IGLL5: variants seen among roughly 807,000 people sequenced by gnomAD.
IGLL5 encodes immunoglobulin lambda-like polypeptide 5.
IGLL5 carries 30 observed loss-of-function variants against 20.9 expected under a neutral mutation model. That is an observed-to-expected ratio of 1.44 (90% CI 1.07 to 1.95). The LOEUF (loss-of-function observed/expected upper bound fraction) is 1.95, where lower values mean the gene tolerates loss of function less well. IGLL5 is among the 30% of genes most tolerant of loss of function. The pLI is 0.00. For missense variants in IGLL5, 475 were observed against 270.7 expected (o/e 1.75, Z -5.30); for synonymous variants, 203 against 117.3 (o/e 1.73, Z -4.72).
intron 2 of IGLL5, among the ~76,000 whole-genome samples, chr22:22,894,204 T>A (rs2067998738): frequency 1.3e-5 from 2 of 151,264 alleles, no homozygotes; most frequent in Admixed American, 1.3e-4. Flanking sequence ...TGGGAGCTGC[T>A]GAGTCTCATA....
Position 22,888,513 on chromosome 22 carries a change from G to GTCAGTGCCTCAA in IGLL5, c.206+258_206+269dup, listed in dbSNP as rs2067608840. On this transcript the variant is annotated intron_variant, in intron 1 of 2. Transcript: ENST00000526893. ...TGGCGCCACTTAAATTTTCACCAGGGTCAGTGCCTCAATCACCTAGTCCTA... is the reference window on the plus strand; with the variant it reads ...TGGCGCCACTTAAATTTTCACCAGGGTCAGTGCCTCAATCAGTGCCTCAATCACCTAGTCCTA... Among the ~76,000 whole-genome samples the GTCAGTGCCTCAA allele has an allele frequency of 1.3e-5, 2 of 151,330 alleles. 1 individual carries two copies. Among genetic ancestry groups the GTCAGTGCCTCAA allele is most frequent in the African/African-American group, 4.8e-5 (2 of 41,274 alleles).
chr22:22,892,786 G>A, intron 1 of IGLL5, among the ~76,000 whole-genome samples: 1 of 151,074 alleles, frequency 6.6e-6, no homozygotes, highest in East Asian at 2.0e-4. Flanking sequence ...CAGATGCAGA[G>A]AAAATTAGGA....
At position 22,888,158 on chromosome 22, in the gene IGLL5, C is replaced by A; in HGVS notation, c.105C>A (p.Ala35=). The A allele has an allele frequency of 6.5e-7, 1 of 1,549,328 alleles. No individual in the cohort carries two copies. The highest frequency in any genetic ancestry group is 8.7e-7 in the Non-Finnish European group (1 of 1,146,704). ...TGCTGCTGGGTCTGGCCATGGTCGCCCATGGCCTGCTGCGCCCAATGGTTG... is the reference window on the plus strand; with the variant it reads ...TGCTGCTGGGTCTGGCCATGGTCGCACATGGCCTGCTGCGCCCAATGGTTG... ...PLLLLGLAMV[A]HGLLRPMVAP... The change falls in exon 1 of 3, where the codon GCC becomes GCA. Residue 35 remains alanine (A), a synonymous_variant. Transcript: ENST00000526893.
intron 1 of IGLL5, among the ~76,000 whole-genome samples, chr22:22,889,501 C>G (rs116122178): frequency 2.6e-5 from 4 of 151,150 alleles, no homozygotes; most frequent in East Asian, 2.0e-4. Context: ...GGGTGGTTAG[C>G]TCAGCATTAT....
Position 22,888,164 on chromosome 22 carries a change from C to G in IGLL5, c.111C>G (p.Gly37=), listed in dbSNP as rs778053128. 4 of 1,549,204 alleles carry G rather than the reference C, an allele frequency of 2.6e-6. 1 individual carries two copies. The highest frequency in any genetic ancestry group is 1.2e-5 in the South Asian group (1 of 83,978). Residue 37 remains glycine (G), a synonymous_variant, in exon 1 of 3, where the codon GGC becomes GGG. Transcript: ENST00000526893. ...LLLGLAMVAH[G]LLRPMVAPQS... is the part of the protein sequence containing the mutation. Reference sequence around the variant, plus strand: ...TGGGTCTGGCCATGGTCGCCCATGGCCTGCTGCGCCCAATGGTTGCACCGC... The same window carrying G: ...TGGGTCTGGCCATGGTCGCCCATGGGCTGCTGCGCCCAATGGTTGCACCGC...
intron 1 of IGLL5, among the ~76,000 whole-genome samples, chr22:22,890,289 CTGTG>C (rs148024405): frequency 3.4e-5 from 5 of 146,722 alleles, no homozygotes; most frequent in South Asian, 4.5e-4. Flanking sequence ...AGAACTTTTC[CTGTG>C]TGTGTGTGTG....
chr22:22,893,691 G>A lies in IGLL5; in HGVS notation c.207-9G>A. 6.3e-7 allele frequency: 1 copy of A among 1,589,268 alleles called. No individual in the cohort carries two copies. Among genetic ancestry groups the A allele is most frequent in the Non-Finnish European group, 8.6e-7 (1 of 1,163,434 alleles). The stretch of plus-strand genomic sequence containing the variant: ...CCCACTGCAACCCTGTGCCCGTCAT[G>A]CCCAGCAGGCTCCTGCTCCAGCCCA... On this transcript the variant is annotated splice_polypyrimidine_tract_variant and intron_variant, in intron 1 of 2. Coordinates refer to ENST00000526893, the MANE Select transcript of IGLL5 (RefSeq NM_001178126.2).
chr22:22,888,572 C>G (rs2067617025), intron 1 of IGLL5, among the ~76,000 whole-genome samples: 1 of 151,370 alleles, frequency 6.6e-6, no homozygotes, highest in Non-Finnish European at 1.5e-5. Flanking sequence ...GAGGCAGGGA[C>G]AGGACATCCA....
intron 1 of IGLL5, among the ~76,000 whole-genome samples, 195 bp downstream of exon 1, chr22:22,888,454 T>A (rs542385586): frequency 2.6e-5 from 4 of 151,390 alleles, no homozygotes; most frequent in East Asian, 2.0e-4. Flanking sequence ...TAATATCATA[T>A]TACGATATTA....
chr22:22,894,297 T>C lies in IGLL5; in HGVS notation c.325+479T>C, dbSNP rs1601625392. 7.3e-5 allele frequency among the ~76,000 whole-genome samples: 11 copies of C among 151,204 alleles called. 1 individual carries two copies. The highest frequency in any genetic ancestry group is 3.8e-3 in the Middle Eastern group (1 of 266). ...TCCAGCCTGGGAGGGCCACACGGCCTGGTGACACAGAGGTCACCCCAAGGG... is the reference window on the plus strand; with the variant it reads ...TCCAGCCTGGGAGGGCCACACGGCCCGGTGACACAGAGGTCACCCCAAGGG... On this transcript the variant is annotated intron_variant, in intron 2 of 2. Coordinates refer to ENST00000526893, the MANE Select transcript of IGLL5 (RefSeq NM_001178126.2).
intron 1 of IGLL5, among the ~76,000 whole-genome samples, chr22:22,888,810 T>C (rs559553365): frequency 2.6e-5 from 4 of 151,380 alleles, no homozygotes; most frequent in African/African-American, 7.3e-5. Flanking sequence ...CGAGGGGAGC[T>C]GTCCAGTCAT....
At chr22:22,889,106 T>C (rs540868478) in intron 1 of IGLL5, among the ~76,000 whole-genome samples, 6 of 151,134 alleles carry the variant, frequency 4.0e-5, no homozygotes, top group Middle Eastern at 3.7e-3. Context: ...GATTTGTGTT[T>C]TTGGAAAAAT....
chr22:22,894,375 G>T (rs552568526), intron 2 of IGLL5, among the ~76,000 whole-genome samples: 8 of 151,412 alleles, frequency 5.3e-5, no homozygotes, highest in Admixed American at 1.3e-4. Flanking sequence ...CAGCTCTGTG[G>T]CCTGTGCTGG....
intron 2 of IGLL5, among the ~76,000 whole-genome samples, chr22:22,894,364 G>C (rs1251929317): frequency 1.3e-5 from 2 of 151,518 alleles, no homozygotes; most frequent in South Asian, 2.1e-4. Context: ...GGTCTAGGCT[G>C]CAGCTCTGTG....
intron 2 of IGLL5, among the ~76,000 whole-genome samples, chr22:22,894,396 C>T (rs2068026443): frequency 1.3e-5 from 2 of 151,430 alleles, no homozygotes; most frequent in African/African-American, 4.8e-5. Context: ...GTCATGAGGA[C>T]ATGGGGACAC....
Position 22,895,435 on chromosome 22 carries a change from C to A in IGLL5, c.386C>A (p.Ala129Asp). ...LFPPSSEELQ[A>D]NKATLVCLIS... ...CCGCCCTCCTCTGAGGAGCTCCAAG[C>A]CAACAAGGCCACACTAGTGTGTCTG... Residue 129 changes from alanine to aspartate, a missense_variant, in exon 3 of 3, where the codon GCC (alanine) becomes GAC (aspartate). Ala to Asp is a moderately radical substitution (Grantham distance 126). Transcript: ENST00000526893. 1 of 1,612,962 alleles carries A rather than the reference C, an allele frequency of 6.2e-7. No homozygotes were observed. The highest frequency in any genetic ancestry group is 8.5e-7 in the Non-Finnish European group (1 of 1,179,556).
intron 1 of IGLL5, among the ~76,000 whole-genome samples, chr22:22,893,003 C>G (rs2067895303): frequency 6.6e-6 from 1 of 151,130 alleles, no homozygotes; most frequent in South Asian, 2.1e-4. Flanking sequence ...TTGGCCTTAA[C>G]CAGAGAGATT....
At chr22:22,889,694 C>T (rs891232117) in intron 1 of IGLL5, among the ~76,000 whole-genome samples, 1 of 151,336 alleles carries the variant, frequency 6.6e-6, no homozygotes, top group South Asian at 2.1e-4. Flanking sequence ...CTCAAAAGAT[C>T]CTCCAGCCTC....
intron 1 of IGLL5, among the ~76,000 whole-genome samples, chr22:22,888,826 C>A: frequency 1.3e-5 from 2 of 151,404 alleles, no homozygotes; most frequent in East Asian, 2.0e-4. Context: ...GTCATTGGAA[C>A]AGGCCCACGG....
Sources: allele counts gnomAD v4.1 joint callset (sites outside exome capture counted in the v4.1 genomes callset), GRCh38; gene constraint gnomAD v4.1.1; transcripts MANE v1.5; gene names NCBI Gene and HGNC (gene_info 2026-07-23, HGNC 2026-07-21).